Variants in KCNQ5 observed in about 807,000 individuals in gnomAD.
KCNQ5 encodes the protein potassium voltage-gated channel subfamily Q member 5.
In KCNQ5, 30 loss-of-function variants were observed where a neutral mutation model predicts 98.2. That is an observed-to-expected ratio of 0.31 (90% CI 0.23 to 0.41). The LOEUF is 0.41. Among genes scored for constraint, KCNQ5 ranks in the 10% least tolerant of loss-of-function variants. The pLI is 1.00. For synonymous variants in KCNQ5, 458 were observed against 449.4 expected (o/e 1.02, Z -0.24); for missense variants, 835 against 1,182.5 (o/e 0.71, Z 4.31).
At chr6:72,975,928 T>C (rs1428002313) in intron 1 of KCNQ5, among the ~76,000 whole-genome samples, 1 of 152,236 alleles carries the variant, frequency 6.6e-6, no homozygotes, top group Non-Finnish European at 1.5e-5. Flanking sequence ...GAAATGTGAA[T>C]GCGCTCAGAA....
At position 72,705,595 on chromosome 6, in the gene KCNQ5, T is replaced by TG. The variant is rs200849700; in HGVS notation, c.398+83008_398+83009insG. ...TGTTTTTTGTTGTTGTTTTTGTTTT[T>TG]TTTTTTGTTGTTGTTGTTTTGCTAA... is the stretch of plus-strand genomic sequence containing the variant. On this transcript the variant is annotated intron_variant, in intron 1 of 13. Coordinates refer to ENST00000370398, the MANE Select transcript of KCNQ5 (RefSeq NM_019842.4). Among the ~76,000 whole-genome samples, 34 of 105,268 alleles carry TG rather than the reference T, an allele frequency of 3.2e-4. 1 individual carries two copies. The highest frequency in any genetic ancestry group is 1.3e-3 in the African/African-American group (19 of 14,134). 69.1% of individuals were successfully genotyped at this position (105,268 alleles called of 152,430 possible). A position where few individuals can be genotyped will look rare whatever the true frequency, so the allele number is the denominator to read the frequency against.
At chr6:72,698,223 A>G (rs1013654229) in intron 1 of KCNQ5, among the ~76,000 whole-genome samples, 3 of 152,086 alleles carry the variant, frequency 2.0e-5, no homozygotes, top group African/African-American at 7.2e-5. Flanking sequence ...TCTTTTTGAG[A>G]CAGAGTTTCA....
intron 1 of KCNQ5, among the ~76,000 whole-genome samples, chr6:72,714,607 T>C (rs1769546080): frequency 6.6e-6 from 1 of 152,222 alleles, no homozygotes. Context: ...AAAATATCTT[T>C]TTATCATGAG....
chr6:72,943,228 A>G (rs937710912), intron 1 of KCNQ5, among the ~76,000 whole-genome samples: 2 of 152,198 alleles, frequency 1.3e-5, no homozygotes, highest in African/African-American at 2.4e-5. Flanking sequence ...TCCTTGTGCC[A>G]TACAGAATCT....
At position 72,744,840 on chromosome 6, in the gene KCNQ5, G is replaced by A. The variant is rs527953616; in HGVS notation, c.398+122253G>A. On this transcript the variant is annotated intron_variant, in intron 1 of 13. Transcript: ENST00000370398. ...AAAAAGAAAAAGAAAAAGAAAAAAT[G>A]GTAAGAAAGGCAACAGAGGTACAAC... is the stretch of plus-strand genomic sequence containing the variant. 4.0e-5 allele frequency among the ~76,000 whole-genome samples: 6 copies of A among 151,884 alleles called. No individual in the cohort carries two copies. The South Asian group carries it at 1.2e-3, about 32-fold the overall frequency.
chr6:72,712,982 T>A (rs1016131268), intron 1 of KCNQ5, among the ~76,000 whole-genome samples: 5 of 152,190 alleles, frequency 3.3e-5, no homozygotes, highest in Admixed American at 6.5e-5. Context: ...CTCTCCTGTT[T>A]GCTGCATTCC....
chr6:72,928,994 A>C (rs575401970), intron 1 of KCNQ5, among the ~76,000 whole-genome samples: 2 of 152,222 alleles, frequency 1.3e-5, no homozygotes, highest in East Asian at 3.9e-4. Context: ...GGCTAGCTCC[A>C]ATTCCTTAAG....
At chr6:72,880,370 G>T (rs968865255) in intron 1 of KCNQ5, among the ~76,000 whole-genome samples, 1 of 152,106 alleles carries the variant, frequency 6.6e-6, no homozygotes, top group Non-Finnish European at 1.5e-5. Context: ...GGGGCGAGGG[G>T]TCTCCTTATG....
chr6:72,760,588 C>CA (rs1307238544), intron 1 of KCNQ5, among the ~76,000 whole-genome samples: 1 of 151,884 alleles, frequency 6.6e-6, no homozygotes, highest in African/African-American at 2.4e-5. Flanking sequence ...TAGTTGCTTT[C>CA]AAAACCTCTA....
chr6:73,011,321 G>C (rs1562125959), intron 2 of KCNQ5, among the ~76,000 whole-genome samples: 2 of 152,022 alleles, frequency 1.3e-5, no homozygotes, highest in Non-Finnish European at 2.9e-5. Context: ...GAATAGAATA[G>C]AAAGTCCAGA....
intron 1 of KCNQ5, among the ~76,000 whole-genome samples, chr6:72,880,217 C>T (rs1478824333): frequency 6.6e-6 from 1 of 152,142 alleles, no homozygotes; most frequent in African/African-American, 2.4e-5. Context: ...AACTAGGTGG[C>T]TTATAAACAA....
intron 1 of KCNQ5, among the ~76,000 whole-genome samples, chr6:72,739,321 G>T (rs1448037223): frequency 1.3e-5 from 2 of 152,140 alleles, no homozygotes; most frequent in Non-Finnish European, 2.9e-5. Context: ...TAATTCCATG[G>T]AGTAGCTCTG....
chr6:72,890,134 A>G (rs1392931201), intron 1 of KCNQ5, among the ~76,000 whole-genome samples: 1 of 139,904 alleles, frequency 7.1e-6, no homozygotes, highest in Non-Finnish European at 1.5e-5. Flanking sequence ...AACATAATTG[A>G]TATATTTAAA....
rs1771714909 is a variant in KCNQ5, at chr6:73,041,795, A to G, written c.490-141A>G. ...TGTCCAGATTTAGTTTGATCTGGAG[A>G]AAGGAAATGTTCTTAACTTTAGATA... On this transcript the variant is annotated intron_variant, in intron 2 of 13. Transcript: ENST00000370398. 4.5e-5 allele frequency: 41 copies of G among 906,370 alleles called. 1 individual carries two copies. In the South Asian group the frequency reaches 6.5e-4, roughly 14 times the overall value. The allele number at this position is 906,370 out of a possible 1,614,324, so 56.1% of individuals were successfully genotyped here. A position where few individuals can be genotyped will look rare whatever the true frequency, so the allele number is the denominator to read the frequency against.
chr6:73,166,524 A>AAC (rs1554217981), intron 10 of KCNQ5, among the ~76,000 whole-genome samples: 1 of 94,304 alleles, frequency 1.1e-5, no homozygotes, highest in African/African-American at 5.8e-5. Context: ...AAAAAAAAAA[A>AAC]AACTCTTATT....
chr6:72,769,866 C>T (rs1023212404), intron 1 of KCNQ5, among the ~76,000 whole-genome samples: 1 of 152,060 alleles, frequency 6.6e-6, no homozygotes, highest in Non-Finnish European at 1.5e-5. Flanking sequence ...ATGCAAAGAA[C>T]TCAACAGCTG....
intron 1 of KCNQ5, among the ~76,000 whole-genome samples, chr6:72,900,861 T>C (rs1779473850): frequency 6.6e-6 from 1 of 152,142 alleles, no homozygotes; most frequent in Non-Finnish European, 1.5e-5. Context: ...AATAAGGTGG[T>C]ATCACATGGT....
At chr6:72,704,074 T>C (rs1768955615) in intron 1 of KCNQ5, among the ~76,000 whole-genome samples, 1 of 152,196 alleles carries the variant, frequency 6.6e-6, no homozygotes, top group Admixed American at 6.5e-5. Flanking sequence ...TTAACGTAGG[T>C]GTTAATTTTG....
intron 1 of KCNQ5, among the ~76,000 whole-genome samples, chr6:72,807,466 T>A (rs1334938287): frequency 6.6e-6 from 1 of 152,134 alleles, no homozygotes; most frequent in Non-Finnish European, 1.5e-5. Context: ...TAGAAATTAT[T>A]TCTCTACTTA....
Sources: allele counts gnomAD v4.1 joint callset (sites outside exome capture counted in the v4.1 genomes callset), GRCh38; gene constraint gnomAD v4.1.1; transcripts MANE v1.5; gene names NCBI Gene and HGNC (gene_info 2026-07-23, HGNC 2026-07-21).